The following RANBP2 variants were observed in gnomAD, a reference collection of about 807,000 sequenced individuals.
RANBP2 encodes the protein RAN binding protein 2.
In RANBP2, 57 loss-of-function variants were observed where a neutral mutation model predicts 303.6. The observed-to-expected ratio is 0.19, with a 90% CI of 0.15 to 0.23. RANBP2 has a LOEUF of 0.23. Ranked by LOEUF, RANBP2 falls within the 10% of genes least tolerant of loss-of-function variation. The pLI is 1.00. For missense variants in RANBP2, 3,138 were observed against 3,780.8 expected (o/e 0.83, Z 4.46); for synonymous variants, 1,167 against 1,301.5 (o/e 0.90, Z 2.23).
chr2:109,278,010 CAAAAAAAAAA>C, the RANBP2 span, among the ~76,000 whole-genome samples: 3 of 81,326 alleles, frequency 3.7e-5, no homozygotes, highest in African/African-American at 1.0e-4. Context: ...CTGTCTCTAA[CAAAAAAAAAA>C]AAAAAAAAAA....
chr2:109,707,383 A>G, the RANBP2 span, among the ~76,000 whole-genome samples: 3 of 152,070 alleles, frequency 2.0e-5, no homozygotes, highest in Non-Finnish European at 2.9e-5. Context: ...TGCTTCCCCA[A>G]CTCATCCTCA....
chr2:109,429,357 G>T, the RANBP2 span, among the ~76,000 whole-genome samples: 1 of 152,162 alleles, frequency 6.6e-6, no homozygotes, highest in Non-Finnish European at 1.5e-5. Context: ...AGTGAAGCTA[G>T]GCTTATTTAC....
the RANBP2 span, among the ~76,000 whole-genome samples, chr2:109,454,938 A>T: frequency 5.9e-5 from 9 of 152,058 alleles, no homozygotes; most frequent in African/African-American, 2.2e-4. Flanking sequence ...AAAAAAGTTA[A>T]CTCTCTCTTT....
the RANBP2 span, among the ~76,000 whole-genome samples, chr2:108,997,032 T>C: frequency 6.6e-6 from 1 of 152,188 alleles, no homozygotes; most frequent in East Asian, 1.9e-4. Context: ...TGTTTTTGTG[T>C]GTCCAGGAGC....
chr2:109,357,471 G>A, the RANBP2 span, among the ~76,000 whole-genome samples: 7 of 152,196 alleles, frequency 4.6e-5, no homozygotes, highest in Non-Finnish European at 7.3e-5. Context: ...GTGAGCCACC[G>A]CACCCGGCCA....
the RANBP2 span, among the ~76,000 whole-genome samples, chr2:109,138,173 G>T: frequency 1.3e-5 from 2 of 152,088 alleles, no homozygotes; most frequent in African/African-American, 2.4e-5. Context: ...GCACCACCAC[G>T]CCCGGCTAAC....
At chr2:108,768,717 A>G (rs937697113) in intron 20 of RANBP2, among the ~76,000 whole-genome samples, 1 of 151,964 alleles carries the variant, frequency 6.6e-6, no homozygotes, top group Non-Finnish European at 1.5e-5. Flanking sequence ...TCATTTGTTC[A>G]GTTTCTTTTG....
At chr2:109,697,262 G>A in the RANBP2 span, among the ~76,000 whole-genome samples, 1 of 152,290 alleles carries the variant, frequency 6.6e-6, no homozygotes, top group African/African-American at 2.4e-5. Flanking sequence ...GGCCGAGGTG[G>A]GCAGATCACC....
the RANBP2 span, chr2:108,847,008 A>G: frequency 1.2e-6 from 1 of 801,896 alleles, no homozygotes. Context: ...TCTTTTATCA[A>G]ATATGTTGTA....
At chr2:108,960,545 G>A in the RANBP2 span, among the ~76,000 whole-genome samples, 2 of 152,218 alleles carry the variant, frequency 1.3e-5, no homozygotes, top group African/African-American at 2.4e-5. Flanking sequence ...CCGTCAGCCA[G>A]CAGAAAAGTG....
At chr2:109,740,026 C>G in the RANBP2 span, among the ~76,000 whole-genome samples, 2 of 148,812 alleles carry the variant, frequency 1.3e-5, no homozygotes, top group African/African-American at 5.1e-5. Flanking sequence ...CTCACTCTGT[C>G]GCCAGGCTGG....
At chr2:109,299,009 C>A in the RANBP2 span, among the ~76,000 whole-genome samples, 1 of 152,206 alleles carries the variant, frequency 6.6e-6, no homozygotes, top group Non-Finnish European at 1.5e-5. Flanking sequence ...CCCACTGCCT[C>A]CCTGGTGATG....
At chr2:108,923,255 T>TA in the RANBP2 span, 2 of 1,038,520 alleles carry the variant, frequency 1.9e-6, no homozygotes, top group Non-Finnish European at 3.0e-6. Context: ...CTAGTGCTGT[T>TA]ACTGTGATTC....
chr2:108,942,248 G>C, the RANBP2 span, among the ~76,000 whole-genome samples: 6 of 152,230 alleles, frequency 3.9e-5, no homozygotes, highest in Admixed American at 2.0e-4. Context: ...GCTCAGAGAG[G>C]GTGAGCGACT....
intron 7 of RANBP2, 111 bp downstream of exon 7, chr2:108,740,792 A>G (rs569694631): frequency 7.2e-7 from 1 of 1,387,086 alleles, no homozygotes; most frequent in African/African-American, 2.7e-5. Flanking sequence ...CTGTGGAATT[A>G]AAGTTGAAAT....
At chr2:109,078,077 A>AATAT in the RANBP2 span, among the ~76,000 whole-genome samples, 83 of 47,420 alleles carry the variant, frequency 1.8e-3, 2 homozygotes, top group African/African-American at 7.5e-3. Flanking sequence ...TTGACAGATG[A>AATAT]ATATATATAT....
the RANBP2 span, among the ~76,000 whole-genome samples, chr2:109,089,680 A>C: frequency 6.6e-6 from 1 of 152,170 alleles, no homozygotes; most frequent in Admixed American, 6.5e-5. Context: ...ATAAGGAAAC[A>C]AAATGAGGGG....
At chr2:109,052,518 A>G in the RANBP2 span, among the ~76,000 whole-genome samples, 3 of 152,196 alleles carry the variant, frequency 2.0e-5, no homozygotes, top group African/African-American at 7.2e-5. Flanking sequence ...AAACAAACCA[A>G]TTCTTAATTC....
At chr2:108,812,123 A>C in the RANBP2 span, among the ~76,000 whole-genome samples, 1 of 152,186 alleles carries the variant, frequency 6.6e-6, no homozygotes, top group Non-Finnish European at 1.5e-5. Flanking sequence ...TATTAAAAGA[A>C]AATAAAACCT....
Sources: allele counts gnomAD v4.1 joint callset (sites outside exome capture counted in the v4.1 genomes callset), GRCh38; gene constraint gnomAD v4.1.1; transcripts MANE v1.5; gene names NCBI Gene and HGNC (gene_info 2026-07-23, HGNC 2026-07-21).